Variants in ARHGAP44 observed in about 807,000 individuals in gnomAD.
The protein encoded by ARHGAP44 is rho GTPase-activating protein 44.
In ARHGAP44, 43 loss-of-function variants were observed where a neutral mutation model predicts 106.8. The ratio of observed to expected loss-of-function variants is 0.40; its 90% CI spans 0.32 to 0.52. The LOEUF (loss-of-function observed/expected upper bound fraction) is 0.52. Among genes scored for constraint, ARHGAP44 ranks in the 20% least tolerant of loss-of-function variants. The pLI, the probability that ARHGAP44 is intolerant of heterozygous loss-of-function variation, is 0.48. For synonymous variants in ARHGAP44, 439 were observed against 410.3 expected (o/e 1.07, Z -0.85); for missense variants, 866 against 1,050.5 (o/e 0.82, Z 2.43).
chr17:12,816,351 A>G (rs1002040329), intron 1 of ARHGAP44, among the ~76,000 whole-genome samples: 6 of 152,196 alleles, frequency 3.9e-5, no homozygotes, highest in African/African-American at 1.4e-4. Flanking sequence ...CACCCCTGCT[A>G]AAACTGCCAC....
intron 18 of ARHGAP44, among the ~76,000 whole-genome samples, chr17:12,975,816 AAG>A (rs1491046582): frequency 2.1e-4 from 32 of 150,872 alleles, no homozygotes; most frequent in South Asian, 8.5e-4. Flanking sequence ...AAAAAAAAAA[AAG>A]AAAAAAAGAC....
chr17:12,909,701 G>T (rs2037667663), intron 4 of ARHGAP44, among the ~76,000 whole-genome samples: 1 of 152,154 alleles, frequency 6.6e-6, no homozygotes, highest in East Asian at 1.9e-4. Flanking sequence ...AAACATGGGT[G>T]ATAGAATGCA....
intron 5 of ARHGAP44, chr17:12,917,418 C>A (rs924939065): frequency 6.6e-6 from 1 of 152,574 alleles, no homozygotes; most frequent in African/African-American, 2.4e-5. Context: ...CCAGAGAGAC[C>A]CCCATTAAAT....
At chr17:12,952,637 A>G (rs2143109052) in intron 13 of ARHGAP44, 56 bp downstream of exon 13, 1 of 1,320,064 alleles carries the variant, frequency 7.6e-7, no homozygotes, top group South Asian at 1.3e-5. Context: ...TAAGCCTCAG[A>G]GATACAACTG....
chr17:12,863,737 A>G (rs1441731992), intron 1 of ARHGAP44, among the ~76,000 whole-genome samples: 1 of 152,318 alleles, frequency 6.6e-6, no homozygotes, highest in South Asian at 2.1e-4. Context: ...AATGGTGGCT[A>G]TTCTTATCTA....
chr17:12,854,958 C>CAAAA (rs1182512832), intron 1 of ARHGAP44, among the ~76,000 whole-genome samples: 62 of 50,764 alleles, frequency 1.2e-3, no homozygotes, highest in East Asian at 2.7e-3. Flanking sequence ...AACTCTGTCT[C>CAAAA]AAAAAAAAAA....
At chr17:12,846,057 C>CCT (rs112125907) in intron 1 of ARHGAP44, among the ~76,000 whole-genome samples, 49,594 of 150,916 alleles carry the variant, frequency 0.33, 13,108 homozygotes, top group African/African-American at 0.73. Context: ...TGTTTTTCAC[C>CCT]GTTATGAGGA....
Position 12,847,512 on chromosome 17 carries a change from C to CTTTTT in ARHGAP44, c.54-47413_54-47409dup, listed in dbSNP as rs58514182. Among the ~76,000 whole-genome samples the CTTTTT allele has an allele frequency of 8.2e-3, 1,025 of 125,390 alleles. 71 individuals carry two copies. The highest frequency in any genetic ancestry group is 0.032 in the African/African-American group (976 of 30,824). 82.3% of individuals were successfully genotyped at this position (125,390 alleles called of 152,430 possible). ...CACCTTCCTTCAAGCTACCATCACTCTTTTTTTTTTTTTTTTTTTGAGACG... is the reference window on the plus strand; with the variant it reads ...CACCTTCCTTCAAGCTACCATCACTCTTTTTTTTTTTTTTTTTTTTTTTTGAGACG... On this transcript the variant is annotated intron_variant, in intron 1 of 20. Coordinates refer to ENST00000379672, the MANE Select transcript of ARHGAP44 (RefSeq NM_014859.6).
intron 18 of ARHGAP44, among the ~76,000 whole-genome samples, chr17:12,975,541 G>A (rs957587569): frequency 6.6e-6 from 1 of 152,078 alleles, no homozygotes; most frequent in Non-Finnish European, 1.5e-5. Flanking sequence ...GCTCACGCCT[G>A]TAATCCCAGC....
intron 1 of ARHGAP44, among the ~76,000 whole-genome samples, chr17:12,892,070 G>A (rs541605178): frequency 2.6e-5 from 4 of 152,350 alleles, no homozygotes; most frequent in African/African-American, 4.8e-5. Context: ...GATTGCAGGC[G>A]TGAGCCACTG....
intron 20 of ARHGAP44, among the ~76,000 whole-genome samples, chr17:12,989,503 A>G (rs941486649): frequency 6.6e-6 from 1 of 152,206 alleles, no homozygotes; most frequent in Non-Finnish European, 1.5e-5. Context: ...GTTGGCACCA[A>G]TGACAACCAG....
Position 12,949,378 on chromosome 17 carries a change from C to T in ARHGAP44, c.973+127C>T. The T allele has an allele frequency of 1.9e-6, 2 of 1,042,556 alleles. No homozygotes were observed. The highest frequency in any genetic ancestry group is 4.5e-5 in the Admixed American group (2 of 44,076). The allele number at this position is 1,042,556 out of a possible 1,614,324, so 64.6% of individuals were successfully genotyped here. ...GCCCAAAGCACTTCAGATGTGTCCA[C>T]TCAGTGCCCAGTTTCAGGGCTGGGT... On this transcript the variant is annotated intron_variant, in intron 11 of 20. Transcript: ENST00000379672. The surrounding 1 kb of genome is among the most constrained non-coding windows in gnomAD (Gnocchi z 4.1).
intron 1 of ARHGAP44, among the ~76,000 whole-genome samples, chr17:12,798,910 TC>T (rs2034004700): frequency 6.6e-6 from 1 of 152,222 alleles, no homozygotes. Flanking sequence ...GTCTATTTTT[TC>T]TTGAGTCAGT....
chr17:12,806,677 A>C (rs1346748361), intron 1 of ARHGAP44, among the ~76,000 whole-genome samples: 1 of 152,220 alleles, frequency 6.6e-6, no homozygotes, highest in Non-Finnish European at 1.5e-5. Context: ...TGGCTCTATC[A>C]CTTGCTAGTT....
At chr17:12,927,633 G>C (rs1396488560) in intron 6 of ARHGAP44, among the ~76,000 whole-genome samples, 1 of 152,128 alleles carries the variant, frequency 6.6e-6, no homozygotes, top group African/African-American at 2.4e-5. Context: ...CTAGTCAGTT[G>C]AAACATCTGG....
At position 12,989,914 on chromosome 17, in the gene ARHGAP44, A is replaced by G. The variant is rs1338507184; in HGVS notation, c.2318-118A>G. 3.5e-6 allele frequency: 5 copies of G among 1,419,486 alleles called. No homozygotes were observed. In the African/African-American group the frequency reaches 4.2e-5, roughly 12 times the overall value. 87.9% of individuals were successfully genotyped at this position (1,419,486 alleles called of 1,614,324 possible). ...CAATGCTTAAACCAACCTCCAAATGATCTATCCCTAGAATAGCAGCACCCC... is the reference window on the plus strand; with the variant it reads ...CAATGCTTAAACCAACCTCCAAATGGTCTATCCCTAGAATAGCAGCACCCC... On this transcript the variant is annotated intron_variant, in intron 20 of 20. Transcript: ENST00000379672.
rs748961578 is a variant in ARHGAP44, at chr17:12,908,991, G to A, written c.275+18G>A. On this transcript the variant is annotated intron_variant, in intron 4 of 20. Transcript: ENST00000379672. ...CTTCTTGGGTAAGGTGACACCTTGC[G>A]TGAGTTTGGTGCCAAATCTAAGTAA... 5 of 1,568,162 alleles carry A rather than the reference G, an allele frequency of 3.2e-6. No individual in the cohort carries two copies. The highest frequency in any genetic ancestry group is 2.8e-5 in the African/African-American group (2 of 72,262).
At chr17:12,839,651 A>G (rs945439070) in intron 1 of ARHGAP44, among the ~76,000 whole-genome samples, 2 of 152,158 alleles carry the variant, frequency 1.3e-5, no homozygotes, top group African/African-American at 2.4e-5. Context: ...GATTTAGTAG[A>G]GGTATTTCAC....
chr17:12,850,651 T>C (rs2035713307), intron 1 of ARHGAP44, among the ~76,000 whole-genome samples: 1 of 152,166 alleles, frequency 6.6e-6, no homozygotes, highest in Non-Finnish European at 1.5e-5. Flanking sequence ...GCACCAGCAC[T>C]CACAGCCTGA....
Sources: gnomAD v4.1 joint callset for allele counts (sites outside exome capture counted in the v4.1 genomes callset) on GRCh38, gnomAD v4.1.1 for gene constraint, Gnocchi (gnomAD v3.1) non-coding constraint, MANE v1.5 for transcripts, NCBI Gene and HGNC (gene_info 2026-07-23, HGNC 2026-07-21) for gene names.